Variants in PLCXD3 observed in about 807,000 individuals in gnomAD.
PLCXD3 encodes the protein PI-PLC X domain-containing protein 3.
In PLCXD3, 19 loss-of-function variants were observed where a neutral mutation model predicts 25.5. The observed-to-expected ratio is 0.75, with a 90% CI of 0.52 to 1.09. The LOEUF is 1.09. PLCXD3 is among the 50% of genes least tolerant of loss of function. PLCXD3 has a pLI of 0.00. For missense variants in PLCXD3, 411 were observed against 388.1 expected, an observed-to-expected ratio of 1.06 and a Z score of -0.50; for synonymous variants, 174 against 137.6, an observed-to-expected ratio of 1.26 and a Z score of -1.85.
rs116235106 is a variant in PLCXD3 at position 41,395,737 on chromosome 5, C to A, written c.104-13203G>T. Among the ~76,000 whole-genome samples the A allele has an allele frequency of 3.4e-3, 518 of 152,116 alleles. 3 individuals carry two copies. The highest frequency in any genetic ancestry group is 0.012 in the African/African-American group (503 of 41,544). ...TGGACAAATTCCTAGATACATTCAACCTAGCAAGACTGAACCAAAAGAAAT... is the reference window on the plus strand; with the variant it reads ...TGGACAAATTCCTAGATACATTCAAACTAGCAAGACTGAACCAAAAGAAAT... On this transcript the variant is annotated intron_variant, in intron 1 of 2. Coordinates refer to ENST00000377801, the MANE Select transcript of PLCXD3 (RefSeq NM_001005473.3).
chr5:41,393,876 GC>G (rs1745915346), intron 1 of PLCXD3, among the ~76,000 whole-genome samples: 1 of 152,052 alleles, frequency 6.6e-6, no homozygotes, highest in Admixed American at 6.6e-5. Context: ...CTTGCAGTGA[GC>G]CGAGATCGCA....
intron 1 of PLCXD3, among the ~76,000 whole-genome samples, chr5:41,403,399 T>TTTTTTTTGTTTGTTTG (rs1378848289): frequency 3.4e-5 from 1 of 29,490 alleles, no homozygotes; most frequent in African/African-American, 1.4e-4. Context: ...GACTTATTTG[T>TTTTTTTTGTTTGTTTG]TGTTTTTTTT....
intron 1 of PLCXD3, among the ~76,000 whole-genome samples, chr5:41,443,614 A>G (rs1747430793): frequency 6.6e-6 from 1 of 152,234 alleles, no homozygotes; most frequent in Non-Finnish European, 1.5e-5. Context: ...GAGACAGAGC[A>G]TGGAGGGTGA....
At chr5:41,496,627 C>CA (rs71608608) in intron 1 of PLCXD3, among the ~76,000 whole-genome samples, 63,667 of 114,458 alleles carry the variant, frequency 0.56, 16,351 homozygotes, top group African/African-American at 0.62. Flanking sequence ...TTTCCCAGAC[C>CA]AAAAAAAAAA....
At chr5:41,320,788 G>A (rs1350209519) in intron 2 of PLCXD3, among the ~76,000 whole-genome samples, 1 of 152,188 alleles carries the variant, frequency 6.6e-6, no homozygotes, top group East Asian at 1.9e-4. Flanking sequence ...GAGCCACTGC[G>A]CCCGGCCACA....
chr5:41,388,763 A>T (rs1293202209), intron 1 of PLCXD3, among the ~76,000 whole-genome samples: 1 of 152,052 alleles, frequency 6.6e-6, no homozygotes, highest in African/African-American at 2.4e-5. Context: ...ATAGAAAGAC[A>T]ACCAAAATAA....
chr5:41,333,138 A>G (rs1042083950), intron 2 of PLCXD3, among the ~76,000 whole-genome samples: 1 of 151,940 alleles, frequency 6.6e-6, no homozygotes, highest in Non-Finnish European at 1.5e-5. Flanking sequence ...CAAACAAACA[A>G]ACAAACAAAC....
intron 1 of PLCXD3, among the ~76,000 whole-genome samples, chr5:41,450,843 G>A (rs1434829171): frequency 1.3e-5 from 2 of 152,024 alleles, no homozygotes; most frequent in African/African-American, 4.8e-5. Flanking sequence ...ATGGACAAAA[G>A]AGAAGTAGGA....
chr5:41,320,524 TCTCG>T (rs1743435190), intron 2 of PLCXD3, among the ~76,000 whole-genome samples: 1 of 152,162 alleles, frequency 6.6e-6, no homozygotes, highest in Non-Finnish European at 1.5e-5. Flanking sequence ...TGAGACGGAG[TCTCG>T]CTCTGTCGCC....
At chr5:41,348,569 T>C (rs904951287) in intron 2 of PLCXD3, among the ~76,000 whole-genome samples, 16 of 152,200 alleles carry the variant, frequency 1.1e-4, no homozygotes, top group Non-Finnish European at 2.1e-4. Context: ...AAAATAGATG[T>C]TTTTCCTACA....
chr5:41,398,241 A>G (rs1746069920), intron 1 of PLCXD3, among the ~76,000 whole-genome samples: 1 of 152,222 alleles, frequency 6.6e-6, no homozygotes, highest in Non-Finnish European at 1.5e-5. Flanking sequence ...GAGATATTAA[A>G]TCATGGGGAT....
At chr5:41,370,228 A>G (rs960971005) in intron 2 of PLCXD3, among the ~76,000 whole-genome samples, 3 of 152,222 alleles carry the variant, frequency 2.0e-5, no homozygotes, top group African/African-American at 7.2e-5. Flanking sequence ...ATACTTTAAA[A>G]TAAGTTAATT....
intron 2 of PLCXD3, among the ~76,000 whole-genome samples, chr5:41,376,804 C>A (rs116225027): frequency 2.2e-4 from 34 of 152,204 alleles, no homozygotes; most frequent in Non-Finnish European, 3.8e-4. Context: ...GGAACAATGG[C>A]AAATACCAAT....
At chr5:41,392,401 A>G (rs1461026359) in intron 1 of PLCXD3, among the ~76,000 whole-genome samples, 1 of 152,178 alleles carries the variant, frequency 6.6e-6, no homozygotes, top group Non-Finnish European at 1.5e-5. Flanking sequence ...AAGAGAAGAG[A>G]ACAAGAGTCT....
intron 1 of PLCXD3, among the ~76,000 whole-genome samples, chr5:41,455,072 T>G (rs897993421): frequency 3.3e-5 from 5 of 151,838 alleles, no homozygotes; most frequent in South Asian, 2.1e-4. Flanking sequence ...GGGAAACCAC[T>G]CCCATGATTC....
intron 1 of PLCXD3, among the ~76,000 whole-genome samples, chr5:41,492,748 C>T (rs1748733573): frequency 6.6e-6 from 1 of 152,274 alleles, no homozygotes; most frequent in South Asian, 2.1e-4. Flanking sequence ...CTGCATTCTT[C>T]ACGTAGTTCT....
chr5:41,506,471 T>A (rs1194321558), intron 1 of PLCXD3, among the ~76,000 whole-genome samples: 2 of 152,238 alleles, frequency 1.3e-5, no homozygotes, highest in Non-Finnish European at 2.9e-5. Flanking sequence ...TGTATCACTA[T>A]CCACTAATAA....
chr5:41,471,811 C>T (rs1748166833), intron 1 of PLCXD3, among the ~76,000 whole-genome samples: 3 of 9,188 alleles, frequency 3.3e-4, no homozygotes, highest in African/African-American at 9.7e-4. Context: ...CCTTCCCCTC[C>T]CCTCCCGTCC....
At chr5:41,423,953 A>G (rs887686907) in intron 1 of PLCXD3, among the ~76,000 whole-genome samples, 1 of 152,168 alleles carries the variant, frequency 6.6e-6, no homozygotes, top group Non-Finnish European at 1.5e-5. Flanking sequence ...TTTCTTTTGT[A>G]TGTGTTTTGT....
Sources: allele counts gnomAD v4.1 joint callset (sites outside exome capture counted in the v4.1 genomes callset), GRCh38; gene constraint gnomAD v4.1.1; transcripts MANE v1.5; gene names NCBI Gene and HGNC (gene_info 2026-07-23, HGNC 2026-07-21).